CACNG5: variants seen among roughly 807,000 people sequenced by gnomAD.
CACNG5 encodes the protein calcium voltage-gated channel auxiliary subunit gamma 5, also known as voltage-dependent calcium channel gamma-5 subunit.
In CACNG5, 18 loss-of-function variants were observed where a neutral mutation model predicts 24.8. The ratio of observed to expected loss-of-function variants is 0.73; its 90% CI spans 0.50 to 1.08. The LOEUF (loss-of-function observed/expected upper bound fraction) is 1.08, where lower values mean the gene tolerates loss of function less well. CACNG5 is among the 50% of genes least tolerant of loss of function. The pLI, the probability that CACNG5 is intolerant of heterozygous loss-of-function variation, is 0.00. For synonymous variants in CACNG5, 157 were observed against 149.1 expected (o/e 1.05, Z -0.39); for missense variants, 349 against 367.9 (o/e 0.95, Z 0.42).
intron 1 of CACNG5, among the ~76,000 whole-genome samples, chr17:66,871,659 G>T (rs1248650818): frequency 1.3e-5 from 2 of 152,092 alleles, no homozygotes; most frequent in Non-Finnish European, 2.9e-5. Context: ...AGGTAATGGC[G>T]CCTGGGTAAT....
chr17:66,857,257 G>T (rs116127174), intron 1 of CACNG5, among the ~76,000 whole-genome samples: 1,991 of 151,730 alleles, frequency 0.013, 46 homozygotes, highest in African/African-American at 0.046. Flanking sequence ...TATTACCCAG[G>T]CTGGTCTTGA....
In CACNG5 at chr17:66,861,958, T is replaced by C. The variant is rs77968251; in HGVS notation, c.-103-15272T>C. ...TTTGCTTTCTGCAAATGCTGAAAAA[T>C]AAAAATCAATTTCTGGTGTGGGAGT... On this transcript the variant is annotated intron_variant, in intron 1 of 5. Coordinates refer to ENST00000533854, the MANE Select transcript of CACNG5 (RefSeq NM_145811.3). Among the ~76,000 whole-genome samples, 1,014 of 152,310 alleles carry C rather than the reference T, an allele frequency of 6.7e-3. 56 individuals are homozygous for C. In the East Asian group the frequency reaches 0.13, roughly 19 times the overall value.
rs1240300358 is a variant in CACNG5 at position 66,885,232 on chromosome 17, C to T, written c.820C>T (p.Pro274Ser). The T allele has an allele frequency of 1.1e-5, 17 of 1,582,158 alleles. No individual in the cohort carries two copies. The highest frequency in any genetic ancestry group is 1.5e-5 in the Non-Finnish European group (17 of 1,169,274). ...CGACTATGATCAGATGTCCTCTTCACCCTGCTGAGCCTCGGCCGCCCCCAT... is the reference window on the plus strand; with the variant it reads ...CGACTATGATCAGATGTCCTCTTCATCCTGCTGAGCCTCGGCCGCCCCCAT... ...CPDYDQMSSSPC is the reference protein window; with the variant it reads ...CPDYDQMSSSSC The change falls in exon 6 of 6, where the codon CCC becomes TCC. Residue 274 changes from proline (P) to serine (S), a missense_variant. By Grantham distance (74) the Pro-to-Ser change is moderately conservative. Transcript: ENST00000533854.
chr17:66,871,821 C>G (rs1568069616), intron 1 of CACNG5, among the ~76,000 whole-genome samples: 1 of 152,124 alleles, frequency 6.6e-6, no homozygotes, highest in Non-Finnish European at 1.5e-5. Context: ...GATCGCACCA[C>G]GGCATTCCAG....
chr17:66,889,847 T>C lies in CACNG5; in HGVS notation c.*4607T>C, dbSNP rs574790509. Among the ~76,000 whole-genome samples the C allele has an allele frequency of 5.3e-5, 8 of 152,304 alleles. No individual in the cohort carries two copies. In the East Asian group the frequency reaches 1.5e-3, roughly 29 times the overall value. ...CCTTCACAGGACAGTTAGAAAAATG[T>C]TTGGCCAAATATTTGGGCAGCACCA... On this transcript the variant is annotated 3_prime_UTR_variant, in exon 6 of 6. Coordinates refer to ENST00000533854, the MANE Select transcript of CACNG5 (RefSeq NM_145811.3).
Position 66,874,019 on chromosome 17 carries a change from G to A in CACNG5, c.-103-3211G>A, listed in dbSNP as rs545715351. On this transcript the variant is annotated intron_variant, in intron 1 of 5. Coordinates refer to ENST00000533854, the MANE Select transcript of CACNG5 (RefSeq NM_145811.3). The stretch of plus-strand genomic sequence containing the variant: ...TTATTGCTCCATGGACCCCACTTTG[G>A]ATAAACTCATGGGGTGGGAGTTTGA... Among the ~76,000 whole-genome samples, 339 of 151,124 alleles carry A rather than the reference G, an allele frequency of 2.2e-3. 1 individual carries two copies. Among genetic ancestry groups the A allele is most frequent in the Non-Finnish European group, 3.6e-3 (243 of 67,902 alleles).
intron 1 of CACNG5, among the ~76,000 whole-genome samples, chr17:66,867,200 T>A (rs1265182236): frequency 6.6e-6 from 1 of 152,222 alleles, no homozygotes; most frequent in African/African-American, 2.4e-5. Flanking sequence ...TGGTTTTGAT[T>A]TGTATTTCTC....
intron 1 of CACNG5, among the ~76,000 whole-genome samples, chr17:66,843,835 G>A (rs1174082900): frequency 1.3e-5 from 2 of 152,144 alleles, no homozygotes; most frequent in Non-Finnish European, 2.9e-5. Context: ...ACTGGAATAA[G>A]CCAGTGTTGC....
intron 1 of CACNG5, among the ~76,000 whole-genome samples, chr17:66,850,010 G>A (rs922346471): frequency 5.3e-5 from 8 of 152,304 alleles, no homozygotes; most frequent in South Asian, 2.1e-4. Context: ...GGTGGGTCCC[G>A]GTACAACTGC....
At chr17:66,845,910 C>T (rs1412860645) in intron 1 of CACNG5, among the ~76,000 whole-genome samples, 1 of 152,164 alleles carries the variant, frequency 6.6e-6, no homozygotes, top group Non-Finnish European at 1.5e-5. Context: ...CCACCTGACC[C>T]ACAATGTGCA....
chr17:66,868,894 C>T (rs1280776271), intron 1 of CACNG5, among the ~76,000 whole-genome samples: 1 of 152,094 alleles, frequency 6.6e-6, no homozygotes, highest in Non-Finnish European at 1.5e-5. Context: ...AGAGAGGAGA[C>T]AGGAGGGCTG....
intron 1 of CACNG5, among the ~76,000 whole-genome samples, chr17:66,858,266 C>T (rs1443036180): frequency 6.6e-6 from 1 of 152,186 alleles, no homozygotes; most frequent in East Asian, 1.9e-4. Context: ...TATTTTCCAC[C>T]CTGGGCTCAG....
At chr17:66,847,785 C>G (rs777568781) in intron 1 of CACNG5, among the ~76,000 whole-genome samples, 14 of 152,148 alleles carry the variant, frequency 9.2e-5, no homozygotes, top group Non-Finnish European at 1.8e-4. Flanking sequence ...AGGTGGGTGG[C>G]CCTCCCTTGC....
chr17:66,854,084 C>A (rs1221639609), intron 1 of CACNG5, among the ~76,000 whole-genome samples: 2 of 152,012 alleles, frequency 1.3e-5, no homozygotes, highest in African/African-American at 2.4e-5. Context: ...AATAATAGTA[C>A]AATACATTTA....
At chr17:66,850,483 G>A (rs1976698643) in intron 1 of CACNG5, among the ~76,000 whole-genome samples, 1 of 151,980 alleles carries the variant, frequency 6.6e-6, no homozygotes, top group Non-Finnish European at 1.5e-5. Flanking sequence ...TTCACTGTTG[G>A]CCTCCCTCTT....
At chr17:66,845,947 C>A (rs1185109433) in intron 1 of CACNG5, among the ~76,000 whole-genome samples, 23 of 152,162 alleles carry the variant, frequency 1.5e-4, no homozygotes, top group Admixed American at 1.5e-3. Flanking sequence ...GACCTGACCT[C>A]CTGCCTCTTG....
chr17:66,874,475 ACAGAG>A (rs1302255290), intron 1 of CACNG5, among the ~76,000 whole-genome samples: 1 of 152,198 alleles, frequency 6.6e-6, no homozygotes, highest in Non-Finnish European at 1.5e-5. Flanking sequence ...GGGCATCACG[ACAGAG>A]CAGAGAAGGG....
At position 66,892,054 on chromosome 17, in the gene CACNG5, TG is replaced by T. The variant is rs1332360998; in HGVS notation, c.*6818del. ...ACCTACTGGGATTTATCACTGTAGC[TG>T]GGGATAAGGCCACCTTCTGAGTCTG... On this transcript the variant is annotated 3_prime_UTR_variant, in exon 6 of 6. Coordinates refer to ENST00000533854, the MANE Select transcript of CACNG5 (RefSeq NM_145811.3). Among the ~76,000 whole-genome samples the T allele has an allele frequency of 2.0e-5, 3 of 152,222 alleles. No homozygotes were observed. Among genetic ancestry groups the T allele is most frequent in the Admixed American group, 2.0e-4 (3 of 15,282 alleles).
intron 1 of CACNG5, among the ~76,000 whole-genome samples, chr17:66,858,480 C>A (rs1406011030): frequency 6.6e-6 from 1 of 152,160 alleles, no homozygotes; most frequent in African/African-American, 2.4e-5. Context: ...AGGCCTGGGC[C>A]TCCCCCACCC....
Sources: allele counts gnomAD v4.1 joint callset (sites outside exome capture counted in the v4.1 genomes callset), GRCh38; gene constraint gnomAD v4.1.1; transcripts MANE v1.5; gene names NCBI Gene and HGNC (gene_info 2026-07-23, HGNC 2026-07-21).